DBX1: variants seen among roughly 807,000 people sequenced by gnomAD.
The protein encoded by DBX1 is developing brain homeobox 1.
Under a neutral mutation model 20.8 loss-of-function variants are expected in DBX1, and 10 were observed. The observed-to-expected ratio is 0.48, with a 90% CI of 0.30 to 0.82. The LOEUF is 0.82. DBX1 is among the 40% of genes least tolerant of loss of function. DBX1 has a pLI of 0.07. For missense variants in DBX1, 505 were observed against 468.8 expected, an observed-to-expected ratio of 1.08 and a Z score of -0.71; for synonymous variants, 241 against 213.9, an observed-to-expected ratio of 1.13 and a Z score of -1.11.
rs1314228439 is a variant in DBX1 at position 20,156,534 on chromosome 11, T to G, written c.712A>C (p.Asn238His). The G allele has an allele frequency of 1.2e-6, 2 of 1,614,034 alleles. No individual in the cohort carries two copies. The highest frequency in any genetic ancestry group is 8.5e-7 in the Non-Finnish European group (1 of 1,180,022). Residue 238 changes from asparagine to histidine, a missense_variant, in exon 4 of 4, where the codon AAC becomes CAC. Transcript: ENST00000524983. This position sits in a 1 kb window ranked among gnomAD's most constrained non-coding sequence, Gnocchi z 4.8. ...WFQNRRMKWR[N>H]SKERELLSSG... ...GACAGGAGTTCGCGCTCCTTGGAGT[T>G]CCGCCATTTCATGCGTCGGTTCTGG...
chr11:20,157,384 C>A, intron 2 of DBX1, 145 bp from the exon 3 acceptor site: 1 of 755,782 alleles, frequency 1.3e-6, no homozygotes, highest in Non-Finnish European at 2.1e-6. Flanking sequence ...AACCTACAAA[C>A]CTGCGAGAGT....
In DBX1 at chr11:20,159,175, G is replaced by A. The variant is rs761609964; in HGVS notation, c.469+16C>T. 6 of 1,584,220 alleles carry A rather than the reference G, an allele frequency of 3.8e-6. No individual in the cohort carries two copies. In the African/African-American group the frequency reaches 6.7e-5, roughly 18 times the overall value. On this transcript the variant is annotated intron_variant, in intron 2 of 3. Transcript: ENST00000524983. The stretch of plus-strand genomic sequence containing the variant: ...GCGCCGCCCTGCCTCGCGCAAAGAA[G>A]GGGGACGAGACCTACCTGGGAAATA...
In DBX1 at chr11:20,156,725, T is replaced by TCCCGCATTGACTCCGCC; in HGVS notation, c.673-169_673-153dup. Reference sequence around the variant, plus strand: ...CCCCCAGAAATGAGTTCCGGTGGATTCCCGCATTGACTCCGCCCCCGCCTC... The same window carrying TCCCGCATTGACTCCGCC: ...CCCCCAGAAATGAGTTCCGGTGGATTCCCGCATTGACTCCGCCCCCGCATTGACTCCGCCCCCGCCTC... On this transcript the variant is annotated intron_variant, in intron 3 of 3. Coordinates refer to ENST00000524983, the MANE Select transcript of DBX1 (RefSeq NM_001029865.4). The surrounding 1 kb of genome is among the most constrained non-coding windows in gnomAD (Gnocchi z 4.8). 2 of 1,208,100 alleles carry TCCCGCATTGACTCCGCC rather than the reference T, an allele frequency of 1.7e-6. No homozygotes were observed. Among genetic ancestry groups the TCCCGCATTGACTCCGCC allele is most frequent in the African/African-American group, 1.5e-5 (1 of 67,148 alleles). 74.8% of individuals were successfully genotyped at this position (1,208,100 alleles called of 1,614,324 possible).
intron 2 of DBX1, among the ~76,000 whole-genome samples, chr11:20,158,203 A>ATGGTGGTGG (rs57294934): frequency 3.0e-4 from 32 of 106,720 alleles, no homozygotes; most frequent in Non-Finnish European, 4.2e-4. Flanking sequence ...AGCAGTGTGA[A>ATGGTGGTGG]TGGTGGTGGT....
chr11:20,160,090 C>G lies in DBX1; in HGVS notation c.235G>C (p.Ala79Pro), dbSNP rs752648547. Residue 79 changes from alanine (A) to proline (P), a missense_variant, in exon 1 of 4, where the codon GCC (alanine) becomes CCC (proline). Physicochemically the swap from Ala to Pro is conservative, Grantham distance 27 (BLOSUM62 -1). Transcript: ENST00000524983. ...GGACCCGGGGAGCCCAGGTCCGAGGCCCCCGTGTCGGTGAGGGCCGTGGGG... is the reference window on the plus strand; with the variant it reads ...GGACCCGGGGAGCCCAGGTCCGAGGGCCCCGTGTCGGTGAGGGCCGTGGGG... ...GAPTALTDTG[A>P]SDLGSPGPGS... The G allele has an allele frequency of 6.4e-7, 1 of 1,560,514 alleles. No individual in the cohort carries two copies. Among genetic ancestry groups the G allele is most frequent in the African/African-American group, 1.4e-5 (1 of 73,368 alleles).
chr11:20,156,764 G>C lies in DBX1; in HGVS notation c.673-191C>G, dbSNP rs991982571. 1.2e-5 allele frequency: 12 copies of C among 984,542 alleles called. No individual in the cohort carries two copies. The African/African-American group carries it at 1.9e-4, about 16-fold the overall frequency. 61.0% of individuals were successfully genotyped at this position (984,542 alleles called of 1,614,324 possible). ...CGCCCCCGCCTCAGCTCGCGGTTCC[G>C]TTTGCCTCATCCGCTGCCACCCTGC... On this transcript the variant is annotated intron_variant, in intron 3 of 3. Coordinates refer to ENST00000524983, the MANE Select transcript of DBX1 (RefSeq NM_001029865.4). The surrounding 1 kb of genome is among the most constrained non-coding windows in gnomAD (Gnocchi z 4.8).
At chr11:20,158,622 T>C (rs966328390) in intron 2 of DBX1, among the ~76,000 whole-genome samples, 1 of 152,064 alleles carries the variant, frequency 6.6e-6, no homozygotes, top group Non-Finnish European at 1.5e-5. Context: ...TGGAAATAGG[T>C]TGGGATTGGG....
chr11:20,158,108 G>A (rs2153737870), intron 2 of DBX1, among the ~76,000 whole-genome samples: 1 of 151,812 alleles, frequency 6.6e-6, no homozygotes, highest in Admixed American at 6.6e-5. Flanking sequence ...TCATTAAATG[G>A]ACATGAAAAG....
At position 20,156,962 on chromosome 11, in the gene DBX1, C is replaced by G; in HGVS notation, c.672+75G>C. 4.6e-6 allele frequency: 7 copies of G among 1,506,526 alleles called. No homozygotes were observed. The highest frequency in any genetic ancestry group is 6.4e-6 in the Non-Finnish European group (7 of 1,099,782). The allele number at this position is 1,506,526 out of a possible 1,614,324, so 93.3% of individuals were successfully genotyped here. ...GTGGGACCTAAGCCGTTTCCGAACC[C>G]TTGCAATTGACGGGTGCGCCGGGGA... is the stretch of plus-strand genomic sequence containing the variant. On this transcript the variant is annotated intron_variant, in intron 3 of 3. Coordinates refer to ENST00000524983, the MANE Select transcript of DBX1 (RefSeq NM_001029865.4). The surrounding 1 kb of genome is among the most constrained non-coding windows in gnomAD (Gnocchi z 4.8).
rs753203857 is a variant in DBX1, at chr11:20,156,403, G to A, written c.843C>T (p.Gly281=). 2 of 1,602,940 alleles carry A rather than the reference G, an allele frequency of 1.2e-6. No homozygotes were observed. The highest frequency in any genetic ancestry group is 1.7e-6 in the Non-Finnish European group (2 of 1,174,392). Residue 281 remains glycine, a synonymous_variant, in exon 4 of 4, where the codon GGC becomes GGT. Coordinates refer to ENST00000524983, the MANE Select transcript of DBX1 (RefSeq NM_001029865.4). This position sits in a 1 kb window ranked among gnomAD's most constrained non-coding sequence, Gnocchi z 4.8. ...KGPGNEEEEE[G]PGSPSHRLAY... is the part of the protein sequence containing the mutation. ...CCAGGCGGTGGCTGGGGCTGCCCGG[G>A]CCCTCCTCCTCCTCTTCGTTCCCAG...
At chr11:20,159,038 G>A (rs2063674664) in intron 2 of DBX1, among the ~76,000 whole-genome samples, 153 bp downstream of exon 2, 1 of 152,308 alleles carries the variant, frequency 6.6e-6, no homozygotes, top group South Asian at 2.1e-4. Flanking sequence ...TCAAATTGGC[G>A]CGACGGATTC....
intron 2 of DBX1, 104 bp downstream of exon 2, chr11:20,159,085 CAT>C: frequency 1.3e-6 from 1 of 797,272 alleles, no homozygotes; most frequent in East Asian, 2.4e-5. Context: ...TGAACCAGAG[CAT>C]AACCCCGAGG....
Position 20,156,244 on chromosome 11 carries a change from G to A in DBX1, c.1002C>T (p.Gly334=), listed in dbSNP as rs1554982991. Residue 334 remains glycine, a synonymous_variant, in exon 4 of 4, where the codon GGC becomes GGT. Coordinates refer to ENST00000524983, the MANE Select transcript of DBX1 (RefSeq NM_001029865.4). This position sits in a 1 kb window ranked among gnomAD's most constrained non-coding sequence, Gnocchi z 4.8. Reference sequence around the variant, plus strand: ...ACACGGTGATTTCCTCCTGTTCCTCGCCCTCCTCTTCCTCCTCGGAATCTG... The same window carrying A: ...ACACGGTGATTTCCTCCTGTTCCTCACCCTCCTCTTCCTCCTCGGAATCTG... ...DFSDSEEEEE[G]EEQEEITVS The A allele has an allele frequency of 1.3e-6, 2 of 1,520,126 alleles. No homozygotes were observed. Among genetic ancestry groups the A allele is most frequent in the Non-Finnish European group, 1.8e-6 (2 of 1,136,156 alleles). The allele number at this position is 1,520,126 out of a possible 1,614,324, so 94.2% of individuals were successfully genotyped here. A position where few individuals can be genotyped will look rare whatever the true frequency, so the allele number is the denominator to read the frequency against.
At chr11:20,157,358 T>G (rs2063665756) in intron 2 of DBX1, 119 bp from the exon 3 acceptor site, 1 of 916,742 alleles carries the variant, frequency 1.1e-6, no homozygotes, top group Non-Finnish European at 1.6e-6. Context: ...TTTCTCCCCC[T>G]GGAGAATAGG....
chr11:20,157,351 C>T (rs749971042), intron 2 of DBX1, 112 bp from the exon 3 acceptor site: 26 of 998,854 alleles, frequency 2.6e-5, no homozygotes, highest in Non-Finnish European at 3.6e-5. Context: ...GCTCCTTTTT[C>T]TCCCCCTGGA....
chr11:20,157,550 C>G (rs1354804495), intron 2 of DBX1, among the ~76,000 whole-genome samples: 1 of 152,164 alleles, frequency 6.6e-6, no homozygotes, highest in Non-Finnish European at 1.5e-5. Flanking sequence ...TCAACTAAAA[C>G]AGCAATAGAA....
In DBX1 at chr11:20,160,169, G is replaced by T. The variant is rs1365411553; in HGVS notation, c.156C>A (p.Ala52=). Residue 52 remains alanine (A), a synonymous_variant, in exon 1 of 4, where the codon GCC becomes GCA. Transcript: ENST00000524983. ...CGGTGGGCACGCTGCGGGGCAGGTA[G>T]GCGGGGGGTCGGCTGATGCGGATCA... The part of the protein sequence containing the change: ...EDLIRISRPP[A]YLPRSVPTAS... The T allele has an allele frequency of 1.3e-6, 2 of 1,548,380 alleles. No individual in the cohort carries two copies. Among genetic ancestry groups the T allele is most frequent in the Admixed American group, 3.9e-5 (2 of 50,918 alleles).
At position 20,157,062 on chromosome 11, in the gene DBX1, G is replaced by A. The variant is rs755826875; in HGVS notation, c.647C>T (p.Ala216Val). 1.2e-6 allele frequency: 2 copies of A among 1,613,994 alleles called. No homozygotes were observed. The highest frequency in any genetic ancestry group is 1.1e-5 in the South Asian group (1 of 91,082). ...ISKPDRKKLAAKLGLKDSQVK... is the reference protein window; with the variant it reads ...ISKPDRKKLAVKLGLKDSQVK... ...CTGCGAGTCTTTCAGGCCCAGCTTG[G>A]CCGCCAGCTTCTTGCGGTCGGGCTT... The change falls in exon 3 of 4, where the codon GCC becomes GTC. Residue 216 changes from alanine to valine, a missense_variant. Coordinates refer to ENST00000524983, the MANE Select transcript of DBX1 (RefSeq NM_001029865.4).
In DBX1 at chr11:20,157,032, C is replaced by T. The variant is rs377329038; in HGVS notation, c.672+5G>A. On this transcript the variant is annotated splice_donor_5th_base_variant and intron_variant, in intron 3 of 3. Transcript: ENST00000524983. ...GGGGGGGTGCTGTGGAGGAAATGCG[C>T]TCACCTGCGAGTCTTTCAGGCCCAG... 5 of 1,613,594 alleles carry T rather than the reference C, an allele frequency of 3.1e-6. No homozygotes were observed. The highest frequency in any genetic ancestry group is 2.2e-5 in the East Asian group (1 of 44,870).
Sources: gnomAD v4.1 joint callset for allele counts (sites outside exome capture counted in the v4.1 genomes callset) on GRCh38, gnomAD v4.1.1 for gene constraint, Gnocchi (gnomAD v3.1) non-coding constraint, MANE v1.5 for transcripts, NCBI Gene and HGNC (gene_info 2026-07-23, HGNC 2026-07-21) for gene names.